Variants in KCNIP4 observed in about 807,000 individuals in gnomAD.
KCNIP4 encodes the protein Kv channel-interacting protein 4.
A neutral mutation model predicts 34.0 loss-of-function variants in KCNIP4; 12 were observed. The ratio of observed to expected loss-of-function variants is 0.35; its 90% CI spans 0.23 to 0.57. KCNIP4 has a LOEUF of 0.57. Ranked by LOEUF, KCNIP4 falls within the 20% of genes least tolerant of loss-of-function variation. The pLI is 0.83. For missense variants in KCNIP4, 238 were observed against 311.7 expected, an observed-to-expected ratio of 0.76 and a Z score of 1.78; for synonymous variants, 124 against 102.2, an observed-to-expected ratio of 1.21 and a Z score of -1.29.
chr4:21,597,395 A>T (rs911040400), intron 1 of KCNIP4, among the ~76,000 whole-genome samples: 4 of 152,116 alleles, frequency 2.6e-5, no homozygotes, highest in Non-Finnish European at 4.4e-5. Context: ...TTTATAAATT[A>T]TCCAGTCTCG....
At chr4:21,553,091 G>T (rs1738708840) in intron 1 of KCNIP4, among the ~76,000 whole-genome samples, 1 of 151,572 alleles carries the variant, frequency 6.6e-6, no homozygotes, top group Non-Finnish European at 1.5e-5. Flanking sequence ...AAAGGGCCAG[G>T]CAATGCAGAC....
At chr4:21,881,633 C>T (rs1412184211) in intron 1 of KCNIP4, among the ~76,000 whole-genome samples, 1 of 152,020 alleles carries the variant, frequency 6.6e-6, no homozygotes, top group Non-Finnish European at 1.5e-5. Flanking sequence ...CAGTATTAAG[C>T]AGAGTTAAAA....
chr4:20,976,668 G>A (rs1187890564), intron 1 of KCNIP4, among the ~76,000 whole-genome samples: 1 of 152,092 alleles, frequency 6.6e-6, no homozygotes, highest in Non-Finnish European at 1.5e-5. Flanking sequence ...GTGGGCCCCT[G>A]GAAGGAGCTG....
chr4:21,233,892 T>C (rs116368082), intron 1 of KCNIP4, among the ~76,000 whole-genome samples: 12,381 of 133,518 alleles, frequency 0.093, 664 homozygotes, highest in East Asian at 0.15. Flanking sequence ...CTAATATATA[T>C]CACATATAAC....
intron 1 of KCNIP4, among the ~76,000 whole-genome samples, chr4:21,485,255 A>T (rs905459031): frequency 5.9e-5 from 9 of 152,204 alleles, no homozygotes; most frequent in Non-Finnish European, 1.2e-4. Flanking sequence ...ACTCTTTTTT[A>T]AAAAAATTAT....
chr4:20,904,298 A>G (rs1727484226), intron 1 of KCNIP4, among the ~76,000 whole-genome samples: 1 of 149,226 alleles, frequency 6.7e-6, no homozygotes, highest in African/African-American at 2.4e-5. Flanking sequence ...TAGTAACAAT[A>G]ATTTAAAACT....
At chr4:21,272,021 G>A (rs1762178314) in intron 1 of KCNIP4, among the ~76,000 whole-genome samples, 4 of 152,088 alleles carry the variant, frequency 2.6e-5, no homozygotes, top group Non-Finnish European at 5.9e-5. Context: ...TATGAAGAAT[G>A]CCTTCTTAGT....
chr4:21,697,647 G>A (rs1485100148), intron 1 of KCNIP4: 1 of 1,306,716 alleles, frequency 7.7e-7, no homozygotes, highest in Non-Finnish European at 9.6e-7. Flanking sequence ...AACAGTAACA[G>A]GGAGGTGAGA....
At chr4:21,071,427 T>C (rs541347973) in intron 1 of KCNIP4, among the ~76,000 whole-genome samples, 1 of 152,184 alleles carries the variant, frequency 6.6e-6, no homozygotes. Flanking sequence ...TCTTTTTGGG[T>C]TCTTTGTTCT....
At chr4:21,790,006 G>T (rs1225347471) in intron 1 of KCNIP4, among the ~76,000 whole-genome samples, 3 of 152,156 alleles carry the variant, frequency 2.0e-5, no homozygotes, top group Non-Finnish European at 4.4e-5. Context: ...GAAAAGCATG[G>T]AAATATTATT....
At chr4:20,891,406 A>T (rs1725903465) in intron 1 of KCNIP4, among the ~76,000 whole-genome samples, 1 of 152,092 alleles carries the variant, frequency 6.6e-6, no homozygotes, top group African/African-American at 2.4e-5. Context: ...GTAGATCGAG[A>T]CCATCCTGGC....
chr4:21,412,333 T>A (rs1724580585), intron 1 of KCNIP4, among the ~76,000 whole-genome samples: 1 of 152,180 alleles, frequency 6.6e-6, no homozygotes, highest in South Asian at 2.1e-4. Context: ...GGATTCCACA[T>A]GGATTCCCTT....
At chr4:21,627,404 A>T (rs1048307742) in intron 1 of KCNIP4, among the ~76,000 whole-genome samples, 1 of 152,030 alleles carries the variant, frequency 6.6e-6, no homozygotes, top group African/African-American at 2.4e-5. Context: ...GCATGCTCAC[A>T]CACCCAAAAA....
chr4:21,106,590 T>G (rs1748561734), intron 1 of KCNIP4, among the ~76,000 whole-genome samples: 1 of 151,522 alleles, frequency 6.6e-6, no homozygotes, highest in Non-Finnish European at 1.5e-5. Flanking sequence ...TTTGTGTCTC[T>G]ATTTCCTTCA....
At chr4:20,910,113 C>T (rs1242415568) in intron 1 of KCNIP4, among the ~76,000 whole-genome samples, 3 of 152,116 alleles carry the variant, frequency 2.0e-5, no homozygotes, top group African/African-American at 4.8e-5. Flanking sequence ...AGACCTGATG[C>T]GTATCTTTTT....
At chr4:20,875,514 G>T (rs1325982267) in intron 2 of KCNIP4, among the ~76,000 whole-genome samples, 1 of 152,056 alleles carries the variant, frequency 6.6e-6, no homozygotes, top group East Asian at 1.9e-4. Context: ...AACATCTGAG[G>T]GTTTGAACAT....
intron 1 of KCNIP4, among the ~76,000 whole-genome samples, chr4:21,914,891 TG>T (rs954677733): frequency 3.3e-4 from 50 of 152,230 alleles, no homozygotes; most frequent in African/African-American, 1.2e-3. Context: ...GCAGAGGAAC[TG>T]GGTAACAAAT....
At chr4:21,832,197 C>T (rs1262439526) in intron 1 of KCNIP4, among the ~76,000 whole-genome samples, 2 of 152,118 alleles carry the variant, frequency 1.3e-5, no homozygotes, top group African/African-American at 4.8e-5. Context: ...AACATCCTTT[C>T]ATGGTAAAAA....
chr4:21,079,216 C>T (rs971535903), intron 1 of KCNIP4, among the ~76,000 whole-genome samples: 2 of 151,996 alleles, frequency 1.3e-5, no homozygotes, highest in Non-Finnish European at 2.9e-5. Context: ...ATCTATGACC[C>T]ATTTTTTGGC....
Sources: allele counts gnomAD v4.1 joint callset (sites outside exome capture counted in the v4.1 genomes callset), GRCh38; gene constraint gnomAD v4.1.1; transcripts MANE v1.5; gene names NCBI Gene and HGNC (gene_info 2026-07-23, HGNC 2026-07-21).